Variants in UTRN observed in about 807,000 individuals in gnomAD.
UTRN encodes dystrophin-related protein 1.
A neutral mutation model predicts 463.9 loss-of-function variants in UTRN; 283 were observed. The observed-to-expected ratio is 0.61, with a 90% CI of 0.55 to 0.67. The LOEUF (loss-of-function observed/expected upper bound fraction) is 0.67. Among genes scored for constraint, UTRN ranks in the 30% least tolerant of loss-of-function variants. The pLI is 0.00. For synonymous variants in UTRN, 1,442 were observed against 1,431.5 expected (o/e 1.01, Z -0.17); for missense variants, 3,922 against 4,084.3 (o/e 0.96, Z 1.08).
chr6:144,809,919 G>A (rs62427244), intron 65 of UTRN, among the ~76,000 whole-genome samples: 16,618 of 152,148 alleles, frequency 0.11, 1,626 homozygotes, highest in Admixed American at 0.32. Flanking sequence ...CATACGAATT[G>A]ATTTAATATA....
At chr6:144,557,586 A>ACGCTCT (rs1799504307) in intron 50 of UTRN, among the ~76,000 whole-genome samples, 1 of 151,880 alleles carries the variant, frequency 6.6e-6, no homozygotes, top group African/African-American at 2.4e-5. Flanking sequence ...TGATTGTCTT[A>ACGCTCT]CGCTCTCAGT....
chr6:144,506,806 G>T, intron 34 of UTRN, among the ~76,000 whole-genome samples: 1 of 152,068 alleles, frequency 6.6e-6, no homozygotes, highest in Middle Eastern at 3.2e-3. Flanking sequence ...TTGAATGTTG[G>T]CCTGTCTTGC....
intron 23 of UTRN, among the ~76,000 whole-genome samples, chr6:144,469,703 C>CTTTTTTTTTTTTTTTTTTT (rs545551155): frequency 3.3e-4 from 45 of 135,680 alleles, no homozygotes; most frequent in African/African-American, 1.3e-3. Flanking sequence ...TGTTTCTTTC[C>CTTTTTTTTTTTTTTTTTTT]TTTTTTTTTT....
rs138309255 is a variant in UTRN at position 144,483,834 on chromosome 6, C to T, written c.3687+1446C>T. Among the ~76,000 whole-genome samples the T allele has an allele frequency of 2.1e-3, 317 of 152,298 alleles. 2 individuals are homozygous for T. The highest frequency in any genetic ancestry group is 7.3e-3 in the African/African-American group (305 of 41,564). On this transcript the variant is annotated intron_variant, in intron 27 of 74. Transcript: ENST00000367545. ...GTTTATACATTTCTCAAGGGTTGTA[C>T]AACACATACCCCCCTCCAAGAAGAA...
chr6:144,556,748 G>A (rs572719604), intron 49 of UTRN, among the ~76,000 whole-genome samples: 2 of 152,296 alleles, frequency 1.3e-5, no homozygotes, highest in South Asian at 2.1e-4. Flanking sequence ...GGCAAGAGAT[G>A]GAAGACGTCC....
chr6:144,738,906 G>A (rs977785038), intron 54 of UTRN, among the ~76,000 whole-genome samples: 1 of 152,060 alleles, frequency 6.6e-6, no homozygotes, highest in African/African-American at 2.4e-5. Flanking sequence ...GAAAAACCCA[G>A]CTATTACTTA....
intron 41 of UTRN, among the ~76,000 whole-genome samples, chr6:144,526,334 A>G (rs1367147148): frequency 1.3e-5 from 2 of 152,148 alleles, no homozygotes; most frequent in Non-Finnish European, 2.9e-5. Context: ...TCTTAGGTCT[A>G]GTAGTAATTG....
chr6:144,635,514 CTTTTTTTTTTT>C (rs1402815648), intron 51 of UTRN, among the ~76,000 whole-genome samples: 74 of 80,026 alleles, frequency 9.2e-4, no homozygotes, highest in Admixed American at 2.9e-3. Flanking sequence ...CTTTTTTTTT[CTTTTTTTTTTT>C]TTTTCTTTTC....
chr6:144,374,013 A>T (rs1780229966), intron 2 of UTRN, among the ~76,000 whole-genome samples: 1 of 152,120 alleles, frequency 6.6e-6, no homozygotes, highest in Non-Finnish European at 1.5e-5. Flanking sequence ...TCTTACTATA[A>T]AATAAAGTAC....
chr6:144,657,612 A>G (rs533049502), intron 51 of UTRN, among the ~76,000 whole-genome samples: 1 of 152,288 alleles, frequency 6.6e-6, no homozygotes, highest in South Asian at 2.1e-4. Flanking sequence ...TGTGGATACA[A>G]GATATGTGGG....
intron 2 of UTRN, among the ~76,000 whole-genome samples, chr6:144,339,452 A>C (rs2114625960): frequency 6.6e-6 from 1 of 152,308 alleles, no homozygotes; most frequent in African/African-American, 2.4e-5. Context: ...ATAGATTTGC[A>C]TCTATGTGAA....
At chr6:144,797,552 G>A (rs1231587780) in intron 63 of UTRN, among the ~76,000 whole-genome samples, 1 of 152,138 alleles carries the variant, frequency 6.6e-6, no homozygotes, top group Non-Finnish European at 1.5e-5. Context: ...AGTGGTTTGG[G>A]TTTTTGCTTT....
chr6:144,389,295 G>A (rs1379946856), intron 2 of UTRN, among the ~76,000 whole-genome samples: 1 of 152,198 alleles, frequency 6.6e-6, no homozygotes, highest in African/African-American at 2.4e-5. Context: ...AGGGGTGACT[G>A]AATAAAACGG....
intron 51 of UTRN, among the ~76,000 whole-genome samples, chr6:144,623,477 C>T (rs1775635188): frequency 6.6e-6 from 1 of 152,142 alleles, no homozygotes; most frequent in African/African-American, 2.4e-5. Context: ...CTTAACTACG[C>T]TGTTTCATTC....
At chr6:144,781,318 G>C (rs917377390) in intron 60 of UTRN, among the ~76,000 whole-genome samples, 1 of 152,142 alleles carries the variant, frequency 6.6e-6, no homozygotes, top group Non-Finnish European at 1.5e-5. Flanking sequence ...AAGTAAACCA[G>C]GTTAGGGCCA....
At chr6:144,623,243 T>A in intron 51 of UTRN, among the ~76,000 whole-genome samples, 1 of 152,204 alleles carries the variant, frequency 6.6e-6, no homozygotes, top group East Asian at 1.9e-4. Flanking sequence ...ATAATTGATT[T>A]AGCAATATAT....
Position 144,516,966 on chromosome 6 carries a change from T to G in UTRN, c.5541+18T>G. The G allele has an allele frequency of 7.0e-7, 1 of 1,427,162 alleles. No individual in the cohort carries two copies. The highest frequency in any genetic ancestry group is 2.7e-5 in the Admixed American group (1 of 36,518). The allele number at this position is 1,427,162 out of a possible 1,614,324, so 88.4% of individuals were successfully genotyped here. A position where few individuals can be genotyped will look rare whatever the true frequency, so the allele number is the denominator to read the frequency against. On this transcript the variant is annotated intron_variant, in intron 39 of 74. Transcript: ENST00000367545. Reference sequence around the variant, plus strand: ...AAATTAAGGTATTATGATTGGAGAGTCTCTGTTGCATTTAAATACCTTACT... The same window carrying G: ...AAATTAAGGTATTATGATTGGAGAGGCTCTGTTGCATTTAAATACCTTACT...
At chr6:144,539,088 G>A (rs1797783522) in intron 44 of UTRN, among the ~76,000 whole-genome samples, 1 of 152,172 alleles carries the variant, frequency 6.6e-6, no homozygotes. Flanking sequence ...GCACAGGAGT[G>A]CAAAAATACA....
chr6:144,438,602 T>C (rs917721089), intron 11 of UTRN, 143 bp from the exon 12 acceptor site: 16 of 1,031,690 alleles, frequency 1.6e-5, no homozygotes, highest in Middle Eastern at 2.5e-4. Context: ...TTTCCTGGCT[T>C]CTATATTTAA....
Sources: allele counts gnomAD v4.1 joint callset (sites outside exome capture counted in the v4.1 genomes callset), GRCh38; gene constraint gnomAD v4.1.1; transcripts MANE v1.5; gene names NCBI Gene and HGNC (gene_info 2026-07-23, HGNC 2026-07-21).